The following DYNC2H1 variants were observed in gnomAD, a reference collection of about 807,000 sequenced individuals.
DYNC2H1 encodes the protein dynein cytoplasmic 2 heavy chain 1.
A neutral mutation model predicts 570.0 loss-of-function variants in DYNC2H1; 410 were observed. The observed-to-expected ratio is 0.72, with a 90% CI of 0.66 to 0.78. The LOEUF (loss-of-function observed/expected upper bound fraction) is 0.78, where lower values mean the gene tolerates loss of function less well. Ranked by LOEUF, DYNC2H1 falls within the 30% of genes least tolerant of loss-of-function variation. DYNC2H1 has a pLI of 0.00. For missense variants in DYNC2H1, 4,865 were observed against 5,046.4 expected (o/e 0.96, Z 1.09); for synonymous variants, 1,688 against 1,677.6 (o/e 1.01, Z -0.15).
chr11:103,467,256 TTAAA>T (rs1324778946), intron 87 of DYNC2H1, among the ~76,000 whole-genome samples: 2 of 152,296 alleles, frequency 1.3e-5, no homozygotes, highest in Non-Finnish European at 2.9e-5. Context: ...TATTTAAGTA[TTAAA>T]TAATTATATT....
Position 103,219,955 on chromosome 11 carries a change from A to G in DYNC2H1, c.8873A>G (p.His2958Arg), listed in dbSNP as rs372965930. 5.3e-6 allele frequency: 8 copies of G among 1,517,688 alleles called. No individual in the cohort carries two copies. The African/African-American group carries it at 1.2e-4, about 22-fold the overall frequency. 94.0% of individuals were successfully genotyped at this position (1,517,688 alleles called of 1,614,324 possible). The change falls in exon 56 of 89, where the codon CAC becomes CGC. Residue 2958 changes from histidine to arginine, a missense_variant. Around this residue, in one of 5 missense-constraint regions of DYNC2H1, gnomAD observed 2,401 missense variants for 2,454.6 expected, o/e 0.98. Transcript: ENST00000375735. ...AAAACAGAACTTGAAAGACTGAAGC[A>G]CAGAATAGCAGAAGAAGTTGTTAAA... ...EQKTELERLK[H>R]RIAEEVVKIE... is the part of the protein sequence containing the mutation.
At chr11:103,448,628 A>G (rs775584993) in intron 85 of DYNC2H1, among the ~76,000 whole-genome samples, 1 of 152,210 alleles carries the variant, frequency 6.6e-6, no homozygotes, top group Non-Finnish European at 1.5e-5. Context: ...GAGATTTCTT[A>G]TAGTCAGCTT....
In DYNC2H1 at chr11:103,188,585, G is replaced by A. The variant is rs764587994; in HGVS notation, c.7229G>A (p.Gly2410Glu). 3.7e-6 allele frequency: 6 copies of A among 1,610,724 alleles called. No homozygotes were observed. The highest frequency in any genetic ancestry group is 5.1e-6 in the Non-Finnish European group (6 of 1,178,066). ...IQIVASMSAGGRLGRHKLTTR... is the reference protein window; with the variant it reads ...IQIVASMSAGERLGRHKLTTR... ...ATTGTGGCTTCTATGTCAGCTGGAGGAAGACTGGGAAGACATAAACTTACT... is the reference window on the plus strand; with the variant it reads ...ATTGTGGCTTCTATGTCAGCTGGAGAAAGACTGGGAAGACATAAACTTACT... Residue 2410 changes from glycine to glutamate, a missense_variant, in exon 44 of 89, where the codon GGA becomes GAA. This residue lies in a region of DYNC2H1 where 2,401 missense variants were observed against 2,454.6 expected (regional missense o/e 0.98). Coordinates refer to ENST00000375735, the MANE Select transcript of DYNC2H1 (RefSeq NM_001377.3).
intron 83 of DYNC2H1, among the ~76,000 whole-genome samples, chr11:103,360,088 G>A (rs1395135388): frequency 2.0e-5 from 3 of 151,736 alleles, no homozygotes; most frequent in Non-Finnish European, 4.4e-5. Context: ...AATCTGGGTA[G>A]AGTACAATAT....
Position 103,264,316 on chromosome 11 carries a change from T to C in DYNC2H1, c.10695+4339T>C, listed in dbSNP as rs1000754384. Among the ~76,000 whole-genome samples, 2 of 151,948 alleles carry C rather than the reference T, an allele frequency of 1.3e-5. No individual in the cohort carries two copies. The highest frequency in any genetic ancestry group is 2.9e-5 in the Non-Finnish European group (2 of 67,966). On this transcript the variant is annotated intron_variant, in intron 70 of 88. Coordinates refer to ENST00000375735, the MANE Select transcript of DYNC2H1 (RefSeq NM_001377.3). This position sits in a 1 kb window ranked among gnomAD's most constrained non-coding sequence, Gnocchi z 4.8. ...TACCATTCCTTCTGAAACTATTCCA[T>C]GCAATAGAAAAAGAGGGACCCCTAC...
rs1180490317 is a variant in DYNC2H1, at chr11:103,446,317, T to A, written c.12457-8869T>A. Among the ~76,000 whole-genome samples the A allele has an allele frequency of 6.6e-6, 1 of 152,182 alleles. No homozygotes were observed. The highest frequency in any genetic ancestry group is 1.5e-5 in the Non-Finnish European group (1 of 68,024). On this transcript the variant is annotated intron_variant, in intron 85 of 88. Transcript: ENST00000375735. The surrounding 1 kb of genome is among the most constrained non-coding windows in gnomAD (Gnocchi z 4.5). ...TTAGAAAAGGAAAAGTTGTCCATCA[T>A]TAAAACCAAGAAATAGTAGTTAGGT...
intron 52 of DYNC2H1, among the ~76,000 whole-genome samples, chr11:103,207,821 C>G (rs1423896873): frequency 6.6e-6 from 1 of 152,022 alleles, no homozygotes; most frequent in African/African-American, 2.4e-5. Context: ...AGAATTGGGA[C>G]TTTGGTGCTT....
At position 103,245,177 on chromosome 11, in the gene DYNC2H1, A is replaced by G; in HGVS notation, c.9919-74A>G. ...CTATAACATTTTGAAATTACTGTAG[A>G]AAATCAAAGAAAGGATGTTTGTAAA... On this transcript the variant is annotated intron_variant, in intron 64 of 88. Transcript: ENST00000375735. This position sits in a 1 kb window ranked among gnomAD's most constrained non-coding sequence, Gnocchi z 4.5. 1 of 1,262,112 alleles carries G rather than the reference A, an allele frequency of 7.9e-7. No individual in the cohort carries two copies. Among genetic ancestry groups the G allele is most frequent in the Non-Finnish European group, 1.1e-6 (1 of 927,888 alleles). The allele number at this position is 1,262,112 out of a possible 1,614,324, so 78.2% of individuals were successfully genotyped here.
intron 15 of DYNC2H1, among the ~76,000 whole-genome samples, chr11:103,134,773 G>T (rs1342049393): frequency 6.6e-6 from 1 of 151,970 alleles, no homozygotes; most frequent in East Asian, 1.9e-4. Context: ...GAATCCTAAT[G>T]ATTGGAATAA....
intron 82 of DYNC2H1, among the ~76,000 whole-genome samples, chr11:103,335,409 A>G (rs942932223): frequency 7.2e-5 from 11 of 152,242 alleles, no homozygotes; most frequent in African/African-American, 2.6e-4. Context: ...AAGTAGAAAT[A>G]TGGAAAAGTT....
At chr11:103,226,725 T>G (rs1447892785) in intron 59 of DYNC2H1, among the ~76,000 whole-genome samples, 1 of 152,214 alleles carries the variant, frequency 6.6e-6, no homozygotes, top group Admixed American at 6.5e-5. Flanking sequence ...ACTGGCTTCA[T>G]AGATTGATTT....
intron 73 of DYNC2H1, among the ~76,000 whole-genome samples, chr11:103,284,882 C>T (rs575615819): frequency 6.6e-6 from 1 of 152,106 alleles, no homozygotes; most frequent in Non-Finnish European, 1.5e-5. Context: ...TCTGATCTTA[C>T]ACCGCACTCT....
At chr11:103,397,582 G>T (rs1303024134) in intron 83 of DYNC2H1, among the ~76,000 whole-genome samples, 1 of 152,064 alleles carries the variant, frequency 6.6e-6, no homozygotes, top group African/African-American at 2.4e-5. Context: ...GATATTGTGG[G>T]GATTGCTAAA....
At chr11:103,368,837 CT>C (rs796299489) in intron 83 of DYNC2H1, among the ~76,000 whole-genome samples, 23 of 152,192 alleles carry the variant, frequency 1.5e-4, no homozygotes, top group African/African-American at 5.5e-4. Flanking sequence ...ACAATACTGT[CT>C]TTCCCCAATG....
intron 85 of DYNC2H1, among the ~76,000 whole-genome samples, chr11:103,445,063 G>T (rs1944381596): frequency 1.3e-5 from 2 of 152,190 alleles, no homozygotes; most frequent in Non-Finnish European, 2.9e-5. Context: ...AAGCATACAA[G>T]TAGTTGCATC....
chr11:103,204,723 A>G lies in DYNC2H1; in HGVS notation c.8312-99A>G, dbSNP rs1028730243. On this transcript the variant is annotated intron_variant, in intron 51 of 88. Transcript: ENST00000375735. The surrounding 1 kb of genome is among the most constrained non-coding windows in gnomAD (Gnocchi z 4.1). ...TGTTTTATATTGTGCTCGTTTTAAG[A>G]AACAACTCCTACTATTTCATTTGAG... The G allele has an allele frequency of 1.2e-5, 10 of 845,832 alleles. No homozygotes were observed. Among genetic ancestry groups the G allele is most frequent in the Non-Finnish European group, 1.8e-5 (10 of 563,916 alleles). 52.4% of individuals were successfully genotyped at this position (845,832 alleles called of 1,614,324 possible). A position where few individuals can be genotyped will look rare whatever the true frequency, so the allele number is the denominator to read the frequency against.
In DYNC2H1 at chr11:103,205,086, A is replaced by T. The variant is rs1190513477; in HGVS notation, c.8454+122A>T. On this transcript the variant is annotated intron_variant, in intron 52 of 88. Transcript: ENST00000375735. This position sits in a 1 kb window ranked among gnomAD's most constrained non-coding sequence, Gnocchi z 4.5. Reference sequence around the variant, plus strand: ...TTAATTATGGCACCAAACATCTCTTATGTTTGGAAATGTCTGTTTTCTTCG... The same window carrying T: ...TTAATTATGGCACCAAACATCTCTTTTGTTTGGAAATGTCTGTTTTCTTCG... The T allele has an allele frequency of 4.8e-6, 4 of 832,990 alleles. No homozygotes were observed. Among genetic ancestry groups the T allele is most frequent in the Admixed American group, 3.2e-5 (1 of 31,412 alleles). The allele number at this position is 832,990 out of a possible 1,614,324, so 51.6% of individuals were successfully genotyped here. A position where few individuals can be genotyped will look rare whatever the true frequency, so the allele number is the denominator to read the frequency against.
rs1321625915 is a variant in DYNC2H1 at position 103,252,488 on chromosome 11, C to T, written c.10043-797C>T. ...TTCCCACCAACAATTCCCTTTTCTC[C>T]GTATCTTCATCAACATTTGTTATCT... is the stretch of plus-strand genomic sequence containing the variant. On this transcript the variant is annotated intron_variant, in intron 65 of 88. Coordinates refer to ENST00000375735, the MANE Select transcript of DYNC2H1 (RefSeq NM_001377.3). This position sits in a 1 kb window ranked among gnomAD's most constrained non-coding sequence, Gnocchi z 4.6. 6.6e-6 allele frequency among the ~76,000 whole-genome samples: 1 copy of T among 152,072 alleles called. No individual in the cohort carries two copies. Among genetic ancestry groups the T allele is most frequent in the Non-Finnish European group, 1.5e-5 (1 of 68,006 alleles).
intron 84 of DYNC2H1, among the ~76,000 whole-genome samples, chr11:103,432,188 T>A (rs143090580): frequency 2.0e-4 from 30 of 152,238 alleles, no homozygotes; most frequent in African/African-American, 7.2e-4. Flanking sequence ...ACAATCCGAC[T>A]GACAAATAGT....
Sources: gnomAD v4.1 joint callset for allele counts (sites outside exome capture counted in the v4.1 genomes callset) on GRCh38, gnomAD v4.1.1 for gene constraint, gnomAD v4.1.1 regional missense constraint, Gnocchi (gnomAD v3.1) non-coding constraint, MANE v1.5 for transcripts, NCBI Gene and HGNC (gene_info 2026-07-23, HGNC 2026-07-21) for gene names.